CLCN4: variants seen among roughly 807,000 people sequenced by gnomAD.
The protein encoded by CLCN4 is Cl-/H+ antiporter 4, also known as H(+)/Cl(-) exchange transporter 4.
In CLCN4, 1 loss-of-function variant was observed where a neutral mutation model predicts 41.7. That is an observed-to-expected ratio of 0.02 (90% CI 0.01 to 0.11). CLCN4 has a LOEUF of 0.11. Among genes scored for constraint, CLCN4 ranks in the 10% least tolerant of loss-of-function variants. The pLI, the probability that CLCN4 is intolerant of heterozygous loss-of-function variation, is 1.00. For missense variants in CLCN4, 287 were observed against 661.0 expected (o/e 0.43, Z 6.20); for synonymous variants, 277 against 285.8 (o/e 0.97, Z 0.31).
At chrX:10,229,365 T>C (rs996378609) in intron 12 of CLCN4, among the ~76,000 whole-genome samples, 13 of 108,874 alleles carry the variant, frequency 1.2e-4, no homozygotes, top group African/African-American at 4.4e-4. Context: ...TGTATATTTA[T>C]GGAACACATG....
At chrX:10,224,388 TA>T (rs1294818945) in intron 12 of CLCN4, among the ~76,000 whole-genome samples, 5 of 106,667 alleles carry the variant, frequency 4.7e-5, no homozygotes, top group African/African-American at 1.7e-4. Flanking sequence ...TAACAAGTCT[TA>T]TTTTTTTCAA....
chrX:10,181,745 C>G (rs779198376), intron 2 of CLCN4, among the ~76,000 whole-genome samples: 4 of 112,100 alleles, frequency 3.6e-5, no homozygotes, highest in African/African-American at 1.3e-4. Flanking sequence ...AATACCCAAC[C>G]ATAAAAAGTC....
In CLCN4 at chrX:10,235,962, G is replaced by C. The variant is rs933388753; in HGVS notation, c.*2378G>C. The C allele has an allele frequency of 3.6e-5, 4 of 112,528 alleles. No individual in the cohort carries two copies. The highest frequency in any genetic ancestry group is 1.3e-4 in the African/African-American group (4 of 30,973). The allele number at this position is 112,528 out of a possible 1,213,427, so 9.3% of individuals were successfully genotyped here. On this transcript the variant is annotated 3_prime_UTR_variant, in exon 13 of 13. Transcript: ENST00000380833. ...TGCGGAACGTTTACAAGTGAAGTTG[G>C]ATTCTCCTGGGCTTTAAATCCAAAA...
At chrX:10,172,700 T>TGTGC (rs1356957778) in intron 2 of CLCN4, among the ~76,000 whole-genome samples, 8 of 110,523 alleles carry the variant, frequency 7.2e-5, no homozygotes, top group African/African-American at 2.6e-4. Flanking sequence ...TGTGTGTGTG[T>TGTGC]GAGCATTGTG....
At chrX:10,224,616 A>G (rs1045856101) in intron 12 of CLCN4, among the ~76,000 whole-genome samples, 9 of 111,002 alleles carry the variant, frequency 8.1e-5, no homozygotes, top group African/African-American at 2.6e-4. Flanking sequence ...AAGTTCCGGG[A>G]TACATGTGCA....
intron 6 of CLCN4, among the ~76,000 whole-genome samples, chrX:10,204,629 T>C (rs1924327967): frequency 1.4e-5 from 1 of 73,346 alleles, no homozygotes; most frequent in African/African-American, 6.6e-5. Flanking sequence ...TTTTTTTTTT[T>C]TTTTTTTTTT....
chrX:10,187,484 C>T lies in CLCN4; in HGVS notation c.145-31C>T, dbSNP rs1304361035. On this transcript the variant is annotated intron_variant, in intron 3 of 12. Coordinates refer to ENST00000380833, the MANE Select transcript of CLCN4 (RefSeq NM_001830.4). ...AAAAGCATGAATTCGAAAATGCATTCGGATCAGTTGCTGTATCTGCTTTGT... is the reference window on the plus strand; with the variant it reads ...AAAAGCATGAATTCGAAAATGCATTTGGATCAGTTGCTGTATCTGCTTTGT... The T allele has an allele frequency of 4.7e-6, 5 of 1,055,166 alleles. No homozygotes were observed. The East Asian group carries it at 9.2e-5, about 19-fold the overall frequency. The allele number at this position is 1,055,166 out of a possible 1,213,427, so 87.0% of individuals were successfully genotyped here. A position where few individuals can be genotyped will look rare whatever the true frequency, so the allele number is the denominator to read the frequency against.
chrX:10,210,974 T>TTA (rs1449443566), intron 9 of CLCN4, among the ~76,000 whole-genome samples: 11 of 104,293 alleles, frequency 1.1e-4, no homozygotes, highest in African/African-American at 2.8e-4. Context: ...TTTTTTTTTT[T>TTA]AAATTTAATG....
rs777252773 is a variant in CLCN4, at chrX:10,232,308, A to G, written c.2193-1186A>G. 2.7e-5 allele frequency among the ~76,000 whole-genome samples: 3 copies of G among 112,681 alleles called. No individual in the cohort carries two copies. In the South Asian group the frequency reaches 1.1e-3, roughly 41 times the overall value. On this transcript the variant is annotated intron_variant, in intron 12 of 12. Coordinates refer to ENST00000380833, the MANE Select transcript of CLCN4 (RefSeq NM_001830.4). ...AACTGATTTGAATACTGCTTAGAAT[A>G]CTTACATCCCTTCTTCATATTCACT...
At chrX:10,167,953 A>G (rs1602137895) in intron 2 of CLCN4, among the ~76,000 whole-genome samples, 1 of 112,562 alleles carries the variant, frequency 8.9e-6, no homozygotes, top group African/African-American at 3.2e-5. Context: ...GGCTCTGGCC[A>G]TAGCTGCCTT....
At chrX:10,223,611 G>A (rs1272103718) in intron 12 of CLCN4, among the ~76,000 whole-genome samples, 2 of 111,619 alleles carry the variant, frequency 1.8e-5, no homozygotes, top group South Asian at 3.7e-4. Flanking sequence ...GGATGGCCAC[G>A]AGCCTGAGCT....
chrX:10,160,220 C>T (rs187575824), intron 2 of CLCN4, among the ~76,000 whole-genome samples: 2 of 111,777 alleles, frequency 1.8e-5, no homozygotes, highest in East Asian at 5.6e-4. Context: ...CTTCTTCGGG[C>T]TCCAAGAATT....
At position 10,216,918 on chromosome X, in the gene CLCN4, T is replaced by TATATACACACACACAC. The variant is rs773265490; in HGVS notation, c.1975+2840_1975+2841insTATACACACACACACA. ...GTGTGTATATATATATATATATATA[T>TATATACACACACACAC]ACACACACACACATAGAGGGACTTC... On this transcript the variant is annotated intron_variant, in intron 11 of 12. Transcript: ENST00000380833. Among the ~76,000 whole-genome samples the TATATACACACACACAC allele has an allele frequency of 2.7e-3, 107 of 38,919 alleles. 1 individual carries two copies. Among genetic ancestry groups the TATATACACACACACAC allele is most frequent in the Admixed American group, 4.4e-3 (12 of 2,748 alleles). The allele number at this position is 38,919 out of a possible 115,157, so 33.8% of individuals were successfully genotyped here.
intron 2 of CLCN4, among the ~76,000 whole-genome samples, chrX:10,182,324 A>G (rs1445631867): frequency 8.9e-6 from 1 of 112,614 alleles, no homozygotes; most frequent in African/African-American, 3.2e-5. Context: ...ACAACCATTC[A>G]TTATTTTCAC....
At chrX:10,177,038 T>C (rs1031995086) in intron 2 of CLCN4, among the ~76,000 whole-genome samples, 1 of 112,954 alleles carries the variant, frequency 8.9e-6, no homozygotes, top group African/African-American at 3.2e-5. Flanking sequence ...TTCGTGATCC[T>C]GTGGGCCAAC....
At chrX:10,224,293 C>CGTGTGTGTGTGTGTGTGTGTGT (rs772983564) in intron 12 of CLCN4, among the ~76,000 whole-genome samples, 1 of 87,904 alleles carries the variant, frequency 1.1e-5, no homozygotes, top group African/African-American at 4.3e-5. Context: ...GGGAGGGTTC[C>CGTGTGTGTGTGTGTGTGTGTGT]GTGTGTGTGT....
chrX:10,225,060 T>C (rs1452721813), intron 12 of CLCN4, among the ~76,000 whole-genome samples: 1 of 112,081 alleles, frequency 8.9e-6, no homozygotes, highest in Non-Finnish European at 1.9e-5. Context: ...CATACGTGTG[T>C]ATGTATTTTT....
At chrX:10,205,341 C>T (rs745490892) in intron 6 of CLCN4, among the ~76,000 whole-genome samples, 3 of 108,866 alleles carry the variant, frequency 2.8e-5, no homozygotes, top group East Asian at 2.9e-4. Context: ...GGCATGATGG[C>T]GGGTGACTGT....
chrX:10,200,005 C>T (rs1210040296), intron 6 of CLCN4, among the ~76,000 whole-genome samples: 1 of 111,899 alleles, frequency 8.9e-6, no homozygotes, highest in African/African-American at 3.3e-5. Flanking sequence ...TCCGCCTCGG[C>T]CTCCTAAAGT....
Sources: gnomAD v4.1 joint callset for allele counts (sites outside exome capture counted in the v4.1 genomes callset) on GRCh38, gnomAD v4.1.1 for gene constraint, MANE v1.5 for transcripts, NCBI Gene and HGNC (gene_info 2026-07-23, HGNC 2026-07-21) for gene names.